The following VAV2 variants were observed in gnomAD, a reference collection of about 807,000 sequenced individuals.
VAV2 encodes vav guanine nucleotide exchange factor 2.
In VAV2, 67 loss-of-function variants were observed where a neutral mutation model predicts 132.5. The observed-to-expected ratio is 0.51, with a 90% CI of 0.42 to 0.62. VAV2 has a LOEUF of 0.62. VAV2 is among the 20% of genes least tolerant of loss of function. The probability of loss-of-function intolerance (pLI) is 0.00; values close to 1 mark genes in which losing one functional copy is unlikely to be tolerated. For missense variants in VAV2, 938 were observed against 1,153.6 expected, an observed-to-expected ratio of 0.81 and a Z score of 2.71; for synonymous variants, 492 against 443.5, an observed-to-expected ratio of 1.11 and a Z score of -1.37.
At chr9:133,914,049 A>G (rs1292292154) in intron 2 of VAV2, among the ~76,000 whole-genome samples, 1 of 152,212 alleles carries the variant, frequency 6.6e-6, no homozygotes, top group Non-Finnish European at 1.5e-5. Context: ...ACAAGCAACC[A>G]AAGACGATGC....
rs1834351591 is a variant in VAV2, at chr9:133,789,164, C to T, written c.1274+94G>A. 3 of 1,356,468 alleles carry T rather than the reference C, an allele frequency of 2.2e-6. No individual in the cohort carries two copies. The Admixed American group carries it at 6.1e-5, about 27-fold the overall frequency. 84.0% of individuals were successfully genotyped at this position (1,356,468 alleles called of 1,614,324 possible). A position where few individuals can be genotyped will look rare whatever the true frequency, so the allele number is the denominator to read the frequency against. Reference sequence around the variant, plus strand: ...CCAGGCAGCTCTTTCCACAGGAAGGCCTGGCTTCCAGAGCCACTTAGGAGT... The same window carrying T: ...CCAGGCAGCTCTTTCCACAGGAAGGTCTGGCTTCCAGAGCCACTTAGGAGT... On this transcript the variant is annotated intron_variant, in intron 14 of 29. Coordinates refer to ENST00000371850, the MANE Select transcript of VAV2 (RefSeq NM_001134398.2).
chr9:133,848,730 G>A (rs1018381736), intron 3 of VAV2, among the ~76,000 whole-genome samples: 3 of 152,222 alleles, frequency 2.0e-5, no homozygotes, highest in African/African-American at 7.2e-5. Context: ...GGCTGGGGGT[G>A]AGGCAGACAG....
chr9:133,838,828 T>C (rs1330128100), intron 3 of VAV2, among the ~76,000 whole-genome samples: 1 of 108,642 alleles, frequency 9.2e-6, no homozygotes, highest in African/African-American at 3.5e-5. Flanking sequence ...GATAGGTTGG[T>C]GAGTGGGTTG....
intron 13 of VAV2, among the ~76,000 whole-genome samples, chr9:133,789,960 G>C (rs929127953): frequency 6.6e-6 from 1 of 152,224 alleles, no homozygotes; most frequent in African/African-American, 2.4e-5. Context: ...GGCCCTGCCT[G>C]GGAGGTGCTC....
At chr9:133,815,715 G>A (rs556574804) in intron 4 of VAV2, among the ~76,000 whole-genome samples, 100 of 152,300 alleles carry the variant, frequency 6.6e-4, no homozygotes, top group East Asian at 2.9e-3. Flanking sequence ...GGACATTTGG[G>A]TTGCCTCCAA....
At chr9:133,822,260 C>T (rs1164529438) in intron 4 of VAV2, among the ~76,000 whole-genome samples, 4 of 152,210 alleles carry the variant, frequency 2.6e-5, no homozygotes, top group Non-Finnish European at 4.4e-5. Context: ...TGGGATGCGC[C>T]GCACTGGCCC....
intron 12 of VAV2, 32 bp from the exon 13 acceptor site, chr9:133,791,901 G>C: frequency 1.3e-6 from 2 of 1,585,910 alleles, no homozygotes; most frequent in Non-Finnish European, 1.7e-6. Flanking sequence ...TGAGCGGGCT[G>C]TGCTGGGTGG....
Position 133,806,087 on chromosome 9 carries a change from T to C in VAV2, c.830A>G (p.Lys277Arg). 1 of 1,612,624 alleles carries C rather than the reference T, an allele frequency of 6.2e-7. No individual in the cohort carries two copies. ...GGAGCCGGCAGCCACTCACCTTTCC[T>C]TGAAATCGAGGAAGACCTTGGCCAG... ...STLAKVFLDF[K>R]ERLLIYGEYC... The change falls in exon 9 of 30, where the codon AAG becomes AGG. Residue 277 changes from lysine to arginine, a missense_variant. Physicochemically the swap from Lys to Arg is conservative, Grantham distance 26. Coordinates refer to ENST00000371850, the MANE Select transcript of VAV2 (RefSeq NM_001134398.2).
chr9:133,834,449 G>A lies in VAV2; in HGVS notation c.381-109C>T. Reference sequence around the variant, plus strand: ...CCAGTGTGGCCCAGCCAGGAGCAAAGGGGCTCTTGTCCACTCTCTGGAAGG... The same window carrying A: ...CCAGTGTGGCCCAGCCAGGAGCAAAAGGGCTCTTGTCCACTCTCTGGAAGG... On this transcript the variant is annotated intron_variant, in intron 3 of 29. Coordinates refer to ENST00000371850, the MANE Select transcript of VAV2 (RefSeq NM_001134398.2). The surrounding 1 kb of genome is among the most constrained non-coding windows in gnomAD (Gnocchi z 5.9). 1 of 1,139,352 alleles carries A rather than the reference G, an allele frequency of 8.8e-7. No homozygotes were observed. Among genetic ancestry groups the A allele is most frequent in the Non-Finnish European group, 1.3e-6 (1 of 794,446 alleles). 70.6% of individuals were successfully genotyped at this position (1,139,352 alleles called of 1,614,324 possible). A position where few individuals can be genotyped will look rare whatever the true frequency, so the allele number is the denominator to read the frequency against.
chr9:133,881,957 G>C (rs530887801), intron 2 of VAV2, among the ~76,000 whole-genome samples: 8 of 152,304 alleles, frequency 5.3e-5, no homozygotes, highest in Non-Finnish European at 1.2e-4. Context: ...CTGCTTGCCA[G>C]GTGCCCAGCG....
intron 2 of VAV2, among the ~76,000 whole-genome samples, chr9:133,893,156 C>T (rs1056140600): frequency 6.6e-6 from 1 of 152,204 alleles, no homozygotes; most frequent in Non-Finnish European, 1.5e-5. Flanking sequence ...TCCCACCTCC[C>T]GCGAAGACTC....
At chr9:133,767,094 C>T (rs575638460) in intron 29 of VAV2, among the ~76,000 whole-genome samples, 16 of 152,036 alleles carry the variant, frequency 1.1e-4, no homozygotes, top group African/African-American at 3.9e-4. Context: ...GTAGATGTGA[C>T]AACTAGAAAA....
chr9:133,951,551 T>C (rs1222399395), intron 1 of VAV2, among the ~76,000 whole-genome samples: 1 of 152,080 alleles, frequency 6.6e-6, no homozygotes, highest in Non-Finnish European at 1.5e-5. Context: ...GAGGCCCATA[T>C]GTGGGAGCTG....
At chr9:133,898,706 TCCAGGCCTCATGAGG>T (rs919736413) in intron 2 of VAV2, among the ~76,000 whole-genome samples, 3 of 152,120 alleles carry the variant, frequency 2.0e-5, no homozygotes, top group African/African-American at 7.2e-5. Context: ...CGGGGAAGCT[TCCAGGCCTCATGAGG>T]CCAGGCCTGA....
Position 133,780,813 on chromosome 9 carries a change from T to C in VAV2, c.1724-103A>G, listed in dbSNP as rs533758127. On this transcript the variant is annotated intron_variant, in intron 19 of 29. Coordinates refer to ENST00000371850, the MANE Select transcript of VAV2 (RefSeq NM_001134398.2). ...CCGAGCCTCTGGGCCGAGCTTAAGATGGTAAGTGAGCCAAGCTACAAAGTG... is the reference window on the plus strand; with the variant it reads ...CCGAGCCTCTGGGCCGAGCTTAAGACGGTAAGTGAGCCAAGCTACAAAGTG... 2.5e-6 allele frequency: 3 copies of C among 1,211,988 alleles called. No individual in the cohort carries two copies. The African/African-American group carries it at 4.7e-5, about 19-fold the overall frequency. 75.1% of individuals were successfully genotyped at this position (1,211,988 alleles called of 1,614,324 possible). A position where few individuals can be genotyped will look rare whatever the true frequency, so the allele number is the denominator to read the frequency against.
intron 3 of VAV2, among the ~76,000 whole-genome samples, chr9:133,852,534 T>G (rs1279662213): frequency 6.6e-6 from 1 of 152,066 alleles, no homozygotes; most frequent in Non-Finnish European, 1.5e-5. Context: ...ACAATGGCTG[T>G]GATGATCCGG....
At chr9:133,943,815 G>A (rs1465803932) in intron 1 of VAV2, among the ~76,000 whole-genome samples, 1 of 152,228 alleles carries the variant, frequency 6.6e-6, no homozygotes, top group Non-Finnish European at 1.5e-5. Flanking sequence ...GTGTGCCCTG[G>A]AAACGTCAGC....
rs368131680 is a variant in VAV2 at position 133,936,003 on chromosome 9, T to C, written c.321+3100A>G. On this transcript the variant is annotated intron_variant, in intron 2 of 29. Coordinates refer to ENST00000371850, the MANE Select transcript of VAV2 (RefSeq NM_001134398.2). ...GACCAGAAGCAGCAAGGCCCCAGAGTGGCGGGGCCCTGGGGCACGTGCGGT... is the reference window on the plus strand; with the variant it reads ...GACCAGAAGCAGCAAGGCCCCAGAGCGGCGGGGCCCTGGGGCACGTGCGGT... Among the ~76,000 whole-genome samples the C allele has an allele frequency of 1.4e-4, 22 of 152,180 alleles. No homozygotes were observed. The East Asian group carries it at 4.1e-3, about 28-fold the overall frequency.
At chr9:133,907,047 C>T (rs969687641) in intron 2 of VAV2, among the ~76,000 whole-genome samples, 3 of 152,188 alleles carry the variant, frequency 2.0e-5, no homozygotes, top group African/African-American at 7.2e-5. Context: ...TGGCCGGCGG[C>T]GGGGGGAGGG....
Sources: gnomAD v4.1 joint callset for allele counts (sites outside exome capture counted in the v4.1 genomes callset) on GRCh38, gnomAD v4.1.1 for gene constraint, Gnocchi (gnomAD v3.1) non-coding constraint, MANE v1.5 for transcripts, NCBI Gene and HGNC (gene_info 2026-07-23, HGNC 2026-07-21) for gene names.